Variants in WDPCP observed in about 807,000 individuals in gnomAD.
WDPCP encodes the protein WD repeat-containing and planar cell polarity effector protein fritz homolog.
A neutral mutation model predicts 93.1 loss-of-function variants in WDPCP; 71 were observed. The observed-to-expected ratio is 0.76, with a 90% confidence interval of 0.63 to 0.93. WDPCP has a LOEUF of 0.93. WDPCP is among the 40% of genes least tolerant of loss of function. The pLI is 0.00. For missense variants in WDPCP, 844 were observed against 887.4 expected (o/e 0.95, Z 0.62); for synonymous variants, 315 against 315.0 (o/e 1.00, Z 0.00).
chr2:63,156,996 A>G (rs1428861938), intron 15 of WDPCP, among the ~76,000 whole-genome samples: 2 of 151,166 alleles, frequency 1.3e-5, no homozygotes, highest in Admixed American at 6.6e-5. Context: ...CCTTCTTGGT[A>G]GAAACTCTTT....
chr2:63,563,218 G>C (rs1167002645), intron 1 of WDPCP, among the ~76,000 whole-genome samples: 1 of 152,132 alleles, frequency 6.6e-6, no homozygotes, highest in Admixed American at 6.6e-5. Context: ...AATAGAACAA[G>C]TGAGACACAG....
chr2:63,772,544 G>T lies in WDPCP; in HGVS notation n.308+41078C>A, dbSNP rs147860425. Among the ~76,000 whole-genome samples the T allele has an allele frequency of 5.9e-5, 9 of 152,076 alleles. No homozygotes were observed. The East Asian group carries it at 1.7e-3, about 29-fold the overall frequency. Reference sequence around the variant, plus strand: ...ACAGATGCAAAACTCCTAAACAAAAGATTAGCAAACTTAATCCAAGGATGC... The same window carrying T: ...ACAGATGCAAAACTCCTAAACAAAATATTAGCAAACTTAATCCAAGGATGC... On this transcript the variant is annotated intron_variant and non_coding_transcript_variant, in intron 2 of 4. Transcript: ENST00000467687.
chr2:63,216,422 C>A (rs1363100201), intron 14 of WDPCP, among the ~76,000 whole-genome samples: 2 of 152,078 alleles, frequency 1.3e-5, no homozygotes, highest in South Asian at 4.2e-4. Flanking sequence ...ATGGATGAAG[C>A]TGGAAACCAT....
rs1262588445 is a variant in WDPCP, at chr2:63,734,479, CTCTT to C, written n.308+79139_308+79142del. ...GTACACATTTTCCATCGAATGGCTG[CTCTT>C]TGCCAAAAAAATAAATTAATTAATT... On this transcript the variant is annotated intron_variant and non_coding_transcript_variant, in intron 2 of 4. Transcript: ENST00000467687. 5.9e-5 allele frequency among the ~76,000 whole-genome samples: 9 copies of C among 152,264 alleles called. No individual in the cohort carries two copies. In the East Asian group the frequency reaches 1.5e-3, roughly 26 times the overall value.
chr2:63,280,816 C>A (rs1683479458), intron 13 of WDPCP, among the ~76,000 whole-genome samples: 1 of 152,068 alleles, frequency 6.6e-6, no homozygotes. Flanking sequence ...TTACTTTATA[C>A]AAAAATCAAC....
At position 63,383,722 on chromosome 2, in the gene WDPCP, A is replaced by T. The variant is rs545875041; in HGVS notation, c.1436-1628T>A. ...AGTGAGACTCTGTCTCAATCAATCA[A>T]TCAATCAATAAAATTATAATTGGAG... is the stretch of plus-strand genomic sequence containing the variant. On this transcript the variant is annotated intron_variant, in intron 10 of 17. Transcript: ENST00000272321. 6.3e-4 allele frequency among the ~76,000 whole-genome samples: 96 copies of T among 152,252 alleles called. No homozygotes were observed. In the Middle Eastern group the frequency reaches 0.01, roughly 16 times the overall value.
rs75598872 is a variant in WDPCP, at chr2:63,565,073, G to A, written c.75+23124C>T. Among the ~76,000 whole-genome samples, 266 of 152,250 alleles carry A rather than the reference G, an allele frequency of 1.7e-3. 4 individuals are homozygous for A. In the East Asian group the frequency reaches 0.044, roughly 25 times the overall value. On this transcript the variant is annotated intron_variant, in intron 1 of 17. Transcript: ENST00000272321. ...TTACAGGCGTGAGTCATGGCACCTGGCCAAAACTGCACTTTTTAAAAAGAT... is the reference window on the plus strand; with the variant it reads ...TTACAGGCGTGAGTCATGGCACCTGACCAAAACTGCACTTTTTAAAAAGAT...
chr2:63,333,589 C>G (rs36074726), intron 12 of WDPCP, among the ~76,000 whole-genome samples: 8 of 152,134 alleles, frequency 5.3e-5, no homozygotes. Context: ...CTGTTGATCC[C>G]ATGTCTTCAG....
At chr2:63,526,370 T>A (rs1273498706) in intron 1 of WDPCP, among the ~76,000 whole-genome samples, 1 of 152,170 alleles carries the variant, frequency 6.6e-6, no homozygotes, top group Non-Finnish European at 1.5e-5. Flanking sequence ...TCCTCTATTT[T>A]AAAATATTTG....
chr2:63,172,259 A>C (rs1023871390), intron 15 of WDPCP, among the ~76,000 whole-genome samples: 4 of 152,188 alleles, frequency 2.6e-5, no homozygotes, highest in African/African-American at 9.7e-5. Context: ...TAATCCCAGC[A>C]CTTTGAAAGG....
intron 14 of WDPCP, chr2:63,233,369 CATAAAT>C: frequency 3.7e-6 from 1 of 267,830 alleles, no homozygotes; most frequent in Non-Finnish European, 7.2e-6. Context: ...AAGATGGAAC[CATAAAT>C]CCACAGAGTC....
chr2:63,229,737 T>G (rs971935074), intron 14 of WDPCP: 2 of 151,866 alleles, frequency 1.3e-5, no homozygotes, highest in African/African-American at 4.8e-5. Context: ...AAAGATCAGA[T>G]AGTTGTAGAT....
intron 1 of WDPCP, among the ~76,000 whole-genome samples, chr2:63,558,157 C>T (rs1256625304): frequency 1.3e-5 from 2 of 151,608 alleles, no homozygotes; most frequent in Non-Finnish European, 2.9e-5. Context: ...GACATAAAAA[C>T]CTCTTAAAAA....
chr2:63,491,834 G>A (rs1700896777), intron 2 of WDPCP, among the ~76,000 whole-genome samples: 1 of 152,022 alleles, frequency 6.6e-6, no homozygotes, highest in Non-Finnish European at 1.5e-5. Flanking sequence ...TCATAAATTG[G>A]CTGTCATTGG....
chr2:63,174,578 T>A (rs1383258374), intron 15 of WDPCP, 92 bp downstream of exon 15: 2 of 1,555,076 alleles, frequency 1.3e-6, no homozygotes, highest in Non-Finnish European at 1.8e-6. Context: ...TCCTTGACAT[T>A]TTGAAATATT....
chr2:63,604,853 T>C, intron 3 of WDPCP: 4 of 1,614,136 alleles, frequency 2.5e-6, no homozygotes, highest in South Asian at 1.1e-5. Flanking sequence ...GACAGCTGGC[T>C]CAAGGGAGAA....
At chr2:63,597,177 G>C in intron 3 of WDPCP, 1 of 601,180 alleles carries the variant, frequency 1.7e-6, no homozygotes, top group Non-Finnish European at 2.1e-6. Flanking sequence ...TGACATTTAA[G>C]TAATTATTGA....
chr2:63,533,985 AG>A (rs1177560150), intron 1 of WDPCP, among the ~76,000 whole-genome samples: 1 of 150,626 alleles, frequency 6.6e-6, no homozygotes, highest in Non-Finnish European at 1.5e-5. Context: ...AAAGAAGAAA[AG>A]ACAGGAGAAT....
chr2:63,822,399 G>A (rs1459907845), intron 1 of WDPCP, among the ~76,000 whole-genome samples: 1 of 152,056 alleles, frequency 6.6e-6, no homozygotes, highest in East Asian at 1.9e-4. Context: ...ATTAGAGTTT[G>A]TAGAATTTTT....
Sources: gnomAD v4.1 joint callset for allele counts (sites outside exome capture counted in the v4.1 genomes callset) on GRCh38, gnomAD v4.1.1 for gene constraint, MANE v1.5 for transcripts, NCBI Gene and HGNC (gene_info 2026-07-23, HGNC 2026-07-21) for gene names.